Variants in GRB14 observed in about 807,000 individuals in gnomAD.
GRB14 encodes the protein growth factor receptor-bound protein 14.
In GRB14, 38 loss-of-function variants were observed where a neutral mutation model predicts 69.1. The ratio of observed to expected loss-of-function variants is 0.55; its 90% CI spans 0.42 to 0.72. GRB14 has a LOEUF of 0.72. GRB14 is among the 30% of genes least tolerant of loss of function. The pLI, the probability that GRB14 is intolerant of heterozygous loss-of-function variation, is 0.00. For missense variants in GRB14, 666 were observed against 666.1 expected, an observed-to-expected ratio of 1.00 and a Z score of 0.00; for synonymous variants, 247 against 241.3, an observed-to-expected ratio of 1.02 and a Z score of -0.22.
At chr2:164,586,618 G>C (rs540719998) in intron 2 of GRB14, among the ~76,000 whole-genome samples, 1 of 152,126 alleles carries the variant, frequency 6.6e-6, no homozygotes, top group African/African-American at 2.4e-5. Flanking sequence ...CTACAGTGTT[G>C]GAGCTTTCAG....
intron 5 of GRB14, among the ~76,000 whole-genome samples, chr2:164,524,379 T>C (rs575143876): frequency 6.6e-6 from 1 of 152,110 alleles, no homozygotes; most frequent in Non-Finnish European, 1.5e-5. Context: ...AATGACAATG[T>C]CTTTGAAAAT....
At chr2:164,498,272 A>G (rs1375183198) in intron 9 of GRB14, among the ~76,000 whole-genome samples, 1 of 152,176 alleles carries the variant, frequency 6.6e-6, no homozygotes, top group Non-Finnish European at 1.5e-5. Flanking sequence ...CTTTAAAGAA[A>G]CTTAGTTTAA....
At chr2:164,580,950 C>A (rs549898540) in intron 2 of GRB14, among the ~76,000 whole-genome samples, 4 of 152,152 alleles carry the variant, frequency 2.6e-5, no homozygotes, top group Middle Eastern at 3.2e-3. Context: ...ACACAGCAGG[C>A]TGTTCTATTA....
rs190014246 is a variant in GRB14, at chr2:164,615,620, T to C, written c.324+4067A>G. ...CACATAGCATTCCTTAAACTCAATT[T>C]ACGTATCACTAAAGAAGAATATTGG... On this transcript the variant is annotated intron_variant, in intron 2 of 13. Coordinates refer to ENST00000263915, the MANE Select transcript of GRB14 (RefSeq NM_004490.3). 6.9e-3 allele frequency among the ~76,000 whole-genome samples: 1,051 copies of C among 152,318 alleles called. 5 individuals are homozygous for C. The highest frequency in any genetic ancestry group is 9.3e-3 in the Non-Finnish European group (631 of 68,028).
intron 6 of GRB14, among the ~76,000 whole-genome samples, chr2:164,518,692 C>A (rs1687555136): frequency 6.6e-6 from 1 of 151,974 alleles, no homozygotes; most frequent in Non-Finnish European, 1.5e-5. Flanking sequence ...GGAGATATTA[C>A]AACCAATACC....
At chr2:164,617,970 G>C (rs1038689120) in intron 2 of GRB14, among the ~76,000 whole-genome samples, 26 of 134,306 alleles carry the variant, frequency 1.9e-4, no homozygotes, top group Non-Finnish European at 3.8e-4. Flanking sequence ...GGGGGGGGGG[G>C]GGTAGTGTCA....
intron 2 of GRB14, among the ~76,000 whole-genome samples, chr2:164,576,249 T>C (rs1689247636): frequency 1.3e-5 from 2 of 150,954 alleles, no homozygotes; most frequent in Non-Finnish European, 3.0e-5. Context: ...ATTAATTGAC[T>C]GTTATCCAAC....
intron 8 of GRB14, among the ~76,000 whole-genome samples, chr2:164,507,264 G>A (rs552783101): frequency 6.6e-6 from 1 of 152,080 alleles, no homozygotes; most frequent in Admixed American, 6.5e-5. Context: ...GGCAAAGGCA[G>A]AAGAAAAAAA....
rs1466502145 is a variant in GRB14, at chr2:164,603,679, T to A, written c.324+16008A>T. Among the ~76,000 whole-genome samples, 20 of 114,096 alleles carry A rather than the reference T, an allele frequency of 1.8e-4. 1 individual carries two copies. The highest frequency in any genetic ancestry group is 1.8e-3 in the South Asian group (7 of 3,996). The allele number at this position is 114,096 out of a possible 152,430, so 74.9% of individuals were successfully genotyped here. A position where few individuals can be genotyped will look rare whatever the true frequency, so the allele number is the denominator to read the frequency against. On this transcript the variant is annotated intron_variant, in intron 2 of 13. Coordinates refer to ENST00000263915, the MANE Select transcript of GRB14 (RefSeq NM_004490.3). ...CACCACCTCAAAAAAAAAATATATA[T>A]ATATTAACTCGACGAAAAAATATTC...
chr2:164,544,812 G>A (rs1688329543), intron 3 of GRB14, among the ~76,000 whole-genome samples: 1 of 152,104 alleles, frequency 6.6e-6, no homozygotes, highest in Admixed American at 6.5e-5. Flanking sequence ...TCCCCTTCAC[G>A]AGGTTCTGAC....
intron 2 of GRB14, among the ~76,000 whole-genome samples, chr2:164,600,978 ATG>A (rs1689900468): frequency 6.6e-6 from 1 of 151,992 alleles, no homozygotes; most frequent in Non-Finnish European, 1.5e-5. Flanking sequence ...GTTCTTTCCA[ATG>A]GAAAAAAAAA....
rs1559064951 is a variant in GRB14, at chr2:164,591,781, T to G, written c.324+27906A>C. 1.3e-5 allele frequency among the ~76,000 whole-genome samples: 2 copies of G among 152,244 alleles called. 1 individual carries two copies. The highest frequency in any genetic ancestry group is 4.2e-4 in the South Asian group (2 of 4,818). On this transcript the variant is annotated intron_variant, in intron 2 of 13. Transcript: ENST00000263915. ...TAAACTTGACCCAGAGCCTGCTTCA[T>G]AGACTACTGATCCCAGTGATATGGT...
intron 3 of GRB14, among the ~76,000 whole-genome samples, chr2:164,534,249 T>C (rs1295016928): frequency 6.6e-6 from 1 of 152,178 alleles, no homozygotes; most frequent in Non-Finnish European, 1.5e-5. Flanking sequence ...TTTTAGAAAT[T>C]ATATTACATA....
chr2:164,538,294 T>C (rs185333323), intron 3 of GRB14, among the ~76,000 whole-genome samples: 1 of 152,302 alleles, frequency 6.6e-6, no homozygotes, highest in East Asian at 1.9e-4. Context: ...TTGCCACTGC[T>C]TCATACCATG....
At chr2:164,577,141 C>T (rs2105334786) in intron 2 of GRB14, among the ~76,000 whole-genome samples, 1 of 152,252 alleles carries the variant, frequency 6.6e-6, no homozygotes, top group East Asian at 1.9e-4. Flanking sequence ...AAAATTGTGG[C>T]CAAATCCTAG....
chr2:164,508,516 AT>A lies in GRB14; in HGVS notation c.961del (p.Met321CysfsTer14), dbSNP rs777473668. 1.9e-6 allele frequency: 3 copies of A among 1,613,934 alleles called. No individual in the cohort carries two copies. The highest frequency in any genetic ancestry group is 3.3e-5 in the Admixed American group (2 of 59,996). Reference protein sequence around the residue: ...NKAGGPRDLKMLCAEEEQSRT... With the variant: ...NKAGGPRDLKXLCAEEEQSRT... ...ACTCTGCTCTTCTTCTGCACAGAGC[AT>A]TTTCAGGTCTCGGGGCCCTCCCGCT... On this transcript the variant is annotated frameshift_variant, in exon 8 of 14. Coordinates refer to ENST00000263915, the MANE Select transcript of GRB14 (RefSeq NM_004490.3). LOFTEE classifies it high-confidence loss of function.
chr2:164,526,664 T>G (rs1687782309), intron 4 of GRB14, among the ~76,000 whole-genome samples: 1 of 152,038 alleles, frequency 6.6e-6, no homozygotes, highest in Non-Finnish European at 1.5e-5. Context: ...CTAATCTGGG[T>G]GAGAACCTAT....
At chr2:164,589,304 G>A (rs2105344509) in intron 2 of GRB14, among the ~76,000 whole-genome samples, 1 of 152,242 alleles carries the variant, frequency 6.6e-6, no homozygotes, top group South Asian at 2.1e-4. Context: ...CTACTTTGCA[G>A]TTTCACAGGC....
At chr2:164,538,941 T>A (rs1485558396) in intron 3 of GRB14, among the ~76,000 whole-genome samples, 1 of 152,060 alleles carries the variant, frequency 6.6e-6, no homozygotes, top group East Asian at 1.9e-4. Context: ...TGGTTTGCAA[T>A]TTAAATTATA....
Sources: gnomAD v4.1 joint callset for allele counts (sites outside exome capture counted in the v4.1 genomes callset) on GRCh38, gnomAD v4.1.1 for gene constraint, MANE v1.5 for transcripts, NCBI Gene and HGNC (gene_info 2026-07-23, HGNC 2026-07-21) for gene names.